MYO7A: variants seen among roughly 807,000 people sequenced by gnomAD.
The protein encoded by MYO7A is unconventional myosin-VIIa.
A neutral mutation model predicts 263.8 loss-of-function variants in MYO7A; 210 were observed. The observed-to-expected ratio is 0.80, with a 90% CI of 0.71 to 0.89. The LOEUF is 0.89. Ranked by LOEUF, MYO7A falls within the 40% of genes least tolerant of loss-of-function variation. The pLI, the probability that MYO7A is intolerant of heterozygous loss-of-function variation, is 0.00. For missense variants in MYO7A, 2,820 were observed against 2,968.3 expected (o/e 0.95, Z 1.16); for synonymous variants, 1,239 against 1,197.3 (o/e 1.03, Z -0.72).
At chr11:77,188,250 G>A (rs1477831449) in intron 27 of MYO7A, among the ~76,000 whole-genome samples, 2 of 152,186 alleles carry the variant, frequency 1.3e-5, no homozygotes, top group East Asian at 3.9e-4. Flanking sequence ...GGTGGGAAAA[G>A]GAGGGATGTT....
intron 30 of MYO7A, among the ~76,000 whole-genome samples, chr11:77,191,549 C>T (rs1956069246): frequency 6.6e-6 from 1 of 152,312 alleles, no homozygotes; most frequent in African/African-American, 2.4e-5. Context: ...CCTCAGCAAA[C>T]AGGAGTTCCT....
At chr11:77,199,055 G>C (rs1351230819) in intron 34 of MYO7A, among the ~76,000 whole-genome samples, 1 of 152,216 alleles carries the variant, frequency 6.6e-6, no homozygotes, top group Non-Finnish European at 1.5e-5. Flanking sequence ...GGTGGGGTGG[G>C]TTGCTGGGAT....
At chr11:77,143,779 G>A (rs1407377374) in intron 3 of MYO7A, among the ~76,000 whole-genome samples, 3 of 152,170 alleles carry the variant, frequency 2.0e-5, no homozygotes, top group Non-Finnish European at 2.9e-5. Flanking sequence ...CTCCTGGTCT[G>A]AGGGAGGAGA....
intron 1 of MYO7A, 23 bp from the exon 2 acceptor site, chr11:77,130,566 T>C (rs1348542873): frequency 1.4e-5 from 22 of 1,589,074 alleles, no homozygotes; most frequent in African/African-American, 2.7e-5. Context: ...CCCAGAAGCA[T>C]GACATGGTCT....
chr11:77,212,665 G>A, intron 46 of MYO7A: 2 of 503,616 alleles, frequency 4.0e-6, no homozygotes, highest in Non-Finnish European at 7.2e-6. Flanking sequence ...GAACAGGTAG[G>A]TAGCTGGAGG....
chr11:77,130,596 C>T lies in MYO7A; in HGVS notation c.-39C>T, dbSNP rs544675846. On this transcript the variant is annotated 5_prime_UTR_variant, in exon 2 of 49. Coordinates refer to ENST00000409709, the MANE Select transcript of MYO7A (RefSeq NM_000260.4). ...TGGTCTCTCTCCCTGCAGAACTGTG[C>T]CTGGCCCAGTGGGCAGCAGGAGCTC... The T allele has an allele frequency of 4.5e-5, 72 of 1,611,010 alleles. No homozygotes were observed. In the Admixed American group the frequency reaches 1.2e-3, roughly 26 times the overall value.
Position 77,174,739 on chromosome 11 carries a change from G to T in MYO7A, c.1936-17G>T, listed in dbSNP as rs1555078792. ...CAGGAGCCTTGGCCCTGATGCCCTTGGCTGTGTGCCTGGCAGCTGTTCGAC... is the reference window on the plus strand; with the variant it reads ...CAGGAGCCTTGGCCCTGATGCCCTTTGCTGTGTGCCTGGCAGCTGTTCGAC... On this transcript the variant is annotated splice_polypyrimidine_tract_variant and intron_variant, in intron 16 of 48. Transcript: ENST00000409709. The T allele has an allele frequency of 1.3e-6, 2 of 1,566,378 alleles. No homozygotes were observed. The highest frequency in any genetic ancestry group is 2.4e-5 in the East Asian group (1 of 42,186).
chr11:77,184,228 C>T (rs6592711), intron 26 of MYO7A, among the ~76,000 whole-genome samples: 2 of 151,810 alleles, frequency 1.3e-5, no homozygotes, highest in South Asian at 4.1e-4. Context: ...GTTATGTTGG[C>T]GGGGGCACCC....
At chr11:77,179,616 G>C in intron 20 of MYO7A, 119 bp from the exon 21 acceptor site, 1 of 849,660 alleles carries the variant, frequency 1.2e-6, no homozygotes, top group Non-Finnish European at 1.8e-6. Context: ...AGGAGACTGG[G>C]CCACGCCTTC....
chr11:77,156,737 C>G lies in MYO7A; in HGVS notation c.548C>G (p.Ser183Trp). Residue 183 changes from serine to tryptophan, a missense_variant, in exon 6 of 49, where the codon TCG (serine) becomes TGG (tryptophan). By Grantham distance (177) the Ser-to-Trp change is radical (BLOSUM62 -3). Transcript: ENST00000409709. ...QFLAAISGQH[S>W]WIEQQVLEAT... The stretch of plus-strand genomic sequence containing the variant: ...CTGGCAGCCATCAGTGGGCAGCACT[C>G]GTGGATTGAGCAGCAGGTCTTGGAG... 6.2e-7 allele frequency: 1 copy of G among 1,613,962 alleles called. No homozygotes were observed. The highest frequency in any genetic ancestry group is 8.5e-7 in the Non-Finnish European group (1 of 1,179,894).
At position 77,162,283 on chromosome 11, in the gene MYO7A, C is replaced by T. The variant is rs574477065; in HGVS notation, c.1507C>T (p.Pro503Ser). Residue 503 changes from proline to serine, a missense_variant, in exon 13 of 49, where the codon CCC becomes TCC. By Grantham distance (74) the Pro-to-Ser change is moderately conservative (BLOSUM62 -1). Transcript: ENST00000409709. ...QDALDMIANK[P>S]MNIISLIDEE... The stretch of plus-strand genomic sequence containing the variant: ...TGCCCTGGACATGATTGCCAACAAG[C>T]CCATGAACATCATCTCCCTCATCGA... 1.9e-6 allele frequency: 3 copies of T among 1,553,092 alleles called. No homozygotes were observed. The African/African-American group carries it at 4.1e-5, about 21-fold the overall frequency.
intron 2 of MYO7A, among the ~76,000 whole-genome samples, chr11:77,142,057 C>G (rs1490550438): frequency 6.6e-6 from 1 of 152,236 alleles, no homozygotes; most frequent in Non-Finnish European, 1.5e-5. Flanking sequence ...GTCCATTTCT[C>G]TGACTTGGGA....
At chr11:77,184,895 T>G (rs1323910421) in intron 27 of MYO7A, 180 bp downstream of exon 27, 1 of 1,082,170 alleles carries the variant, frequency 9.2e-7, no homozygotes, top group Non-Finnish European at 1.4e-6. Context: ...TGATTCCTTG[T>G]CTGTAAAGGG....
chr11:77,168,360 G>A (rs1953757925), intron 15 of MYO7A, among the ~76,000 whole-genome samples: 1 of 152,210 alleles, frequency 6.6e-6, no homozygotes, highest in Admixed American at 6.5e-5. Context: ...GGATACAACA[G>A]TGACCAATCT....
At chr11:77,163,577 CAT>C (rs1321040296) in intron 14 of MYO7A, among the ~76,000 whole-genome samples, 2 of 152,144 alleles carry the variant, frequency 1.3e-5, no homozygotes, top group East Asian at 3.9e-4. Context: ...TGCATTTAAA[CAT>C]AGAAAAGGTA....
chr11:77,205,693 T>C, intron 40 of MYO7A, 76 bp downstream of exon 40: 1 of 1,579,824 alleles, frequency 6.3e-7, no homozygotes, highest in Non-Finnish European at 8.6e-7. Context: ...GATGAGCCCC[T>C]TGGGGATGAG....
At chr11:77,208,564 GTGT>G in intron 43 of MYO7A, 47 bp downstream of exon 43, 1 of 1,580,426 alleles carries the variant, frequency 6.3e-7, no homozygotes, top group Non-Finnish European at 8.6e-7. Flanking sequence ...GAGCAGGGAA[GTGT>G]GGGCTCGGGG....
At chr11:77,158,459 C>A in intron 9 of MYO7A, 29 bp downstream of exon 9, 1 of 1,603,798 alleles carries the variant, frequency 6.2e-7, no homozygotes, top group Non-Finnish European at 8.5e-7. Context: ...CGCCCTGCCC[C>A]ACCCCTGCGC....
At chr11:77,184,990 A>ACGCCT in intron 27 of MYO7A, 1 of 645,198 alleles carries the variant, frequency 1.5e-6, no homozygotes, top group Non-Finnish European at 2.8e-6. Flanking sequence ...AGAGAGCTGC[A>ACGCCT]GAAATATTTT....
Sources: gnomAD v4.1 joint callset for allele counts (sites outside exome capture counted in the v4.1 genomes callset) on GRCh38, gnomAD v4.1.1 for gene constraint, MANE v1.5 for transcripts, NCBI Gene and HGNC (gene_info 2026-07-23, HGNC 2026-07-21) for gene names.